GRM3: variants seen among roughly 807,000 people sequenced by gnomAD.
The protein encoded by GRM3 is glutamate metabotropic receptor 3.
In GRM3, 26 loss-of-function variants were observed where a neutral mutation model predicts 70.5. That is an observed-to-expected ratio of 0.37 (90% confidence interval 0.27 to 0.51). The LOEUF (loss-of-function observed/expected upper bound fraction) is 0.51. Ranked by LOEUF, GRM3 falls within the 20% of genes least tolerant of loss-of-function variation. The pLI, the probability that GRM3 is intolerant of heterozygous loss-of-function variation, is 0.93. For missense variants in GRM3, 859 were observed against 1,123.8 expected (o/e 0.76, Z 3.37); for synonymous variants, 443 against 434.9 (o/e 1.02, Z -0.23).
chr7:86,765,646 G>T (rs1796582611), intron 2 of GRM3, 33 bp downstream of exon 2: 1 of 1,577,888 alleles, frequency 6.3e-7, no homozygotes, highest in African/African-American at 1.4e-5. Flanking sequence ...CTAAAAGGCT[G>T]TATCTCTTTG....
chr7:86,645,334 C>G (rs1344048727), intron 1 of GRM3, among the ~76,000 whole-genome samples: 1 of 152,122 alleles, frequency 6.6e-6, no homozygotes, highest in Non-Finnish European at 1.5e-5. Flanking sequence ...GAGACCTGGT[C>G]CATGCAGCCC....
intron 5 of GRM3, among the ~76,000 whole-genome samples, chr7:86,860,294 C>G (rs1308044387): frequency 6.6e-6 from 1 of 152,110 alleles, no homozygotes; most frequent in Non-Finnish European, 1.5e-5. Context: ...TGGTGAATAA[C>G]AGACGGGCTA....
chr7:86,816,441 C>T (rs1253072086), intron 3 of GRM3, among the ~76,000 whole-genome samples: 1 of 151,860 alleles, frequency 6.6e-6, no homozygotes, highest in Non-Finnish European at 1.5e-5. Context: ...CCTCTTCCTC[C>T]TCCCAGCATC....
At chr7:86,823,780 C>G (rs1321621443) in intron 3 of GRM3, among the ~76,000 whole-genome samples, 2 of 151,954 alleles carry the variant, frequency 1.3e-5, no homozygotes, top group East Asian at 3.9e-4. Context: ...CACCACCCTC[C>G]CTTAAAAAGA....
intron 3 of GRM3, among the ~76,000 whole-genome samples, chr7:86,836,316 A>G (rs770215722): frequency 4.0e-4 from 61 of 152,312 alleles, no homozygotes; most frequent in Admixed American, 9.2e-4. Context: ...TAACTAGATA[A>G]TGAGGTTTAT....
intron 1 of GRM3, among the ~76,000 whole-genome samples, chr7:86,720,413 T>A (rs1795429793): frequency 6.6e-6 from 1 of 151,968 alleles, no homozygotes; most frequent in Admixed American, 6.6e-5. Flanking sequence ...GCTTTAGACA[T>A]CAGAAGATGA....
rs531516052 is a variant in GRM3 at position 86,745,230 on chromosome 7, C to T, written c.-140-19776C>T. 4.6e-5 allele frequency among the ~76,000 whole-genome samples: 7 copies of T among 152,182 alleles called. No individual in the cohort carries two copies. In the South Asian group the frequency reaches 1.5e-3, roughly 32 times the overall value. The stretch of plus-strand genomic sequence containing the variant: ...GAGATAAAGCCTGTTTGACTTGGCA[C>T]ATGTGCCAGAAACCCCTGAGGGCAG... On this transcript the variant is annotated intron_variant, in intron 1 of 5. Coordinates refer to ENST00000361669, the MANE Select transcript of GRM3 (RefSeq NM_000840.3).
chr7:86,830,969 C>T (rs983670852), intron 3 of GRM3, among the ~76,000 whole-genome samples: 4 of 152,028 alleles, frequency 2.6e-5, no homozygotes, highest in African/African-American at 7.2e-5. Context: ...CAAGGAACAC[C>T]GAAGATTGCC....
intron 3 of GRM3, among the ~76,000 whole-genome samples, chr7:86,829,773 A>G (rs1798314223): frequency 6.6e-6 from 1 of 152,218 alleles, no homozygotes; most frequent in Admixed American, 6.5e-5. Flanking sequence ...TATTACAGAT[A>G]TAATAATAAT....
chr7:86,710,862 A>C (rs1795182696), intron 1 of GRM3, among the ~76,000 whole-genome samples: 2 of 152,046 alleles, frequency 1.3e-5, no homozygotes, highest in African/African-American at 2.4e-5. Flanking sequence ...GATTGTTATT[A>C]TTATTATCTA....
intron 1 of GRM3, among the ~76,000 whole-genome samples, chr7:86,669,351 G>GT (rs1192546148): frequency 2.0e-5 from 3 of 152,180 alleles, no homozygotes; most frequent in Admixed American, 6.5e-5. Context: ...AAGAACAGGT[G>GT]TTAAAAACTC....
At chr7:86,701,027 G>C (rs910063348) in intron 1 of GRM3, among the ~76,000 whole-genome samples, 1 of 151,656 alleles carries the variant, frequency 6.6e-6, no homozygotes, top group South Asian at 2.1e-4. Context: ...ATCCACATTA[G>C]CAAGGCTCTA....
chr7:86,662,085 A>T (rs989684247), intron 1 of GRM3, among the ~76,000 whole-genome samples: 1 of 151,900 alleles, frequency 6.6e-6, no homozygotes, highest in Non-Finnish European at 1.5e-5. Flanking sequence ...GTATTCCAAA[A>T]ATAATTGCAA....
chr7:86,684,800 A>G (rs1207178600), intron 1 of GRM3, among the ~76,000 whole-genome samples: 3 of 152,214 alleles, frequency 2.0e-5, no homozygotes, highest in African/African-American at 4.8e-5. Context: ...AAAGAGTCCA[A>G]CAGCCGGATT....
intron 4 of GRM3, among the ~76,000 whole-genome samples, chr7:86,844,512 T>C (rs1011743277): frequency 3.3e-5 from 5 of 152,090 alleles, no homozygotes; most frequent in African/African-American, 9.7e-5. Flanking sequence ...GAAAGGAAAA[T>C]CACTGAAAGA....
At chr7:86,654,924 G>A (rs897813229) in intron 1 of GRM3, among the ~76,000 whole-genome samples, 2 of 152,166 alleles carry the variant, frequency 1.3e-5, no homozygotes, top group Non-Finnish European at 2.9e-5. Flanking sequence ...AACAAATACA[G>A]TGTGAAGAAA....
intron 2 of GRM3, among the ~76,000 whole-genome samples, chr7:86,768,897 T>A (rs72612687): frequency 0.025 from 3,832 of 152,220 alleles, 245 homozygotes; most frequent in East Asian, 0.21. Flanking sequence ...GGTCCTGTAT[T>A]CAGCTAGGCA....
intron 3 of GRM3, among the ~76,000 whole-genome samples, chr7:86,837,272 A>C (rs1798474625): frequency 1.3e-5 from 2 of 152,188 alleles, no homozygotes. Flanking sequence ...CCAAGAGCCC[A>C]AGTAATTCAT....
At chr7:86,658,737 C>CTCATCTT (rs1793816673) in intron 1 of GRM3, among the ~76,000 whole-genome samples, 1 of 151,706 alleles carries the variant, frequency 6.6e-6, no homozygotes, top group South Asian at 2.1e-4. Flanking sequence ...GCAAATTTTC[C>CTCATCTT]TCATCTTTAA....
Sources: gnomAD v4.1 joint callset for allele counts (sites outside exome capture counted in the v4.1 genomes callset) on GRCh38, gnomAD v4.1.1 for gene constraint, MANE v1.5 for transcripts, NCBI Gene and HGNC (gene_info 2026-07-23, HGNC 2026-07-21) for gene names.